Variants in HMGB3 observed in about 807,000 individuals in gnomAD.
The protein encoded by HMGB3 is high mobility group box 3.
HMGB3 carries 1 observed loss-of-function variant against 12.9 expected under a neutral mutation model. That is an observed-to-expected ratio of 0.08 (90% CI 0.03 to 0.37). The LOEUF (loss-of-function observed/expected upper bound fraction) is 0.37, where lower values mean the gene tolerates loss of function less well. HMGB3 is among the 10% of genes least tolerant of loss of function. The pLI is 0.99. For synonymous variants in HMGB3, 61 were observed against 53.9 expected (o/e 1.13, Z -0.57); for missense variants, 74 against 153.3 (o/e 0.48, Z 2.73).
intron 3 of HMGB3, 42 bp from the exon 4 acceptor site, chrX:150,987,086 A>G (rs782627894): frequency 2.8e-6 from 3 of 1,089,194 alleles, no homozygotes; most frequent in South Asian, 2.2e-5. Flanking sequence ...TTTAACTCAA[A>G]TTTTTTGTGG....
rs782232648 is a variant in HMGB3, at chrX:150,987,185, C to T, written c.348C>T (p.Pro116=). Residue 116 remains proline (P), a synonymous_variant, in exon 4 of 5, where the codon CCC becomes CCT. Transcript: ENST00000325307. ...GCCCCAAGATCAAATCCACAAACCC[C>T]GGCATCTCTATTGGAGACGTGGCAA... ...EFRPKIKSTN[P]GISIGDVAKK... is the part of the protein sequence containing the mutation. The T allele has an allele frequency of 3.4e-5, 41 of 1,206,590 alleles. No homozygotes were observed. In the East Asian group the frequency reaches 3.6e-4, roughly 10 times the overall value.
intron 1 of HMGB3, chrX:150,984,640 T>C: frequency 4.3e-6 from 3 of 693,322 alleles, no homozygotes; most frequent in Non-Finnish European, 3.4e-6. Context: ...ATTACGGGTG[T>C]CCCGGTGACC....
intron 1 of HMGB3, among the ~76,000 whole-genome samples, chrX:150,985,286 T>C (rs2048040915): frequency 8.9e-6 from 1 of 112,201 alleles, no homozygotes; most frequent in Non-Finnish European, 1.9e-5. Flanking sequence ...TTCCAAAACA[T>C]AGCAGTTCTG....
At chrX:150,981,475 CTTT>C (rs34415347), upstream of HMGB3, among the ~76,000 whole-genome samples, 3,047 of 86,713 alleles carry the variant, frequency 0.035, 147 homozygotes, top group African/African-American at 0.12. Flanking sequence ...CTATCTCTGC[CTTT>C]TTTTTTTTTT....
intron 1 of HMGB3, 195 bp downstream of exon 1, chrX:150,983,571 G>C: frequency 1.3e-6 from 1 of 751,335 alleles, no homozygotes; most frequent in Non-Finnish European, 1.6e-6. Flanking sequence ...CTAGGCGGCC[G>C]GGAAGGAAGA....
At position 150,990,155 on chromosome X, in the gene HMGB3, GAAAC is replaced by G. The variant is rs1277620414; in HGVS notation, c.*2244_*2247del. ...TGCCAGCCTCGTCAAATATGGAAGA[GAAAC>G]AACCTGCGGTCAAAAGGGAGTGATT... On this transcript the variant is annotated 3_prime_UTR_variant, in exon 5 of 5. Transcript: ENST00000325307. 1 of 112,106 alleles carries G rather than the reference GAAAC, an allele frequency of 8.9e-6. No homozygotes were observed. The highest frequency in any genetic ancestry group is 1.9e-5 in the Non-Finnish European group (1 of 53,294). 9.2% of individuals were successfully genotyped at this position (112,106 alleles called of 1,213,427 possible).
At chrX:150,984,941 G>A (rs1188678000) in intron 1 of HMGB3, among the ~76,000 whole-genome samples, 1 of 112,103 alleles carries the variant, frequency 8.9e-6, no homozygotes, top group Non-Finnish European at 1.9e-5. Context: ...AGATGAGCAC[G>A]ACTAGCCCTT....
chrX:150,989,160 A>T lies in HMGB3; in HGVS notation c.*1246A>T, dbSNP rs2048087260. 9.0e-6 allele frequency: 1 copy of T among 111,353 alleles called. No homozygotes were observed. The allele number at this position is 111,353 out of a possible 1,213,427, so 9.2% of individuals were successfully genotyped here. On this transcript the variant is annotated 3_prime_UTR_variant, in exon 5 of 5. Coordinates refer to ENST00000325307, the MANE Select transcript of HMGB3 (RefSeq NM_005342.4). ...ATGGTGTGTCAAAAATTAAGGCCTT[A>T]TTGTTTTTCTCTTTCACCCCTACCC... is the stretch of plus-strand genomic sequence containing the variant.
intron 3 of HMGB3, among the ~76,000 whole-genome samples, 158 bp from the exon 4 acceptor site, chrX:150,986,970 A>G (rs1372332985): frequency 8.9e-6 from 1 of 112,224 alleles, no homozygotes; most frequent in Non-Finnish European, 1.9e-5. Context: ...TATATTTTAG[A>G]ACCTACAACT....
chrX:150,987,869 AGAGGAGGAGGAAGAAGAG>A lies in HMGB3; in HGVS notation c.570_587del (p.Glu191_Glu196del). 2.5e-6 allele frequency: 3 copies of A among 1,195,594 alleles called. No homozygotes were observed. Among genetic ancestry groups the A allele is most frequent in the Non-Finnish European group, 3.4e-6 (3 of 887,591 alleles). On this transcript the variant is annotated inframe_deletion, in exon 5 of 5. Coordinates refer to ENST00000325307, the MANE Select transcript of HMGB3 (RefSeq NM_005342.4). ...AAAAGGTGGAAGAGGAAGATGAAGA[AGAGGAGGAGGAAGAAGAG>A]GAGGAGGAGGAGGAGGAGGATGAAT...
At chrX:150,983,199 C>A, upstream of HMGB3, 1 of 580,772 alleles carries the variant, frequency 1.7e-6, no homozygotes, top group Non-Finnish European at 2.1e-6. Flanking sequence ...GCCCAATGGG[C>A]GTCCACGCCT....
In HMGB3 at chrX:150,987,872, GGAGGAGGAAGAA is replaced by G. The variant is rs782175891; in HGVS notation, c.570_581del (p.Glu194_Glu197del). ...AGGTGGAAGAGGAAGATGAAGAAGA[GGAGGAGGAAGAA>G]GAGGAGGAGGAGGAGGAGGAGGATG... On this transcript the variant is annotated inframe_deletion, in exon 5 of 5. Transcript: ENST00000325307. The G allele has an allele frequency of 3.4e-6, 4 of 1,191,810 alleles. No homozygotes were observed. The highest frequency in any genetic ancestry group is 3.5e-5 in the South Asian group (2 of 56,421).
chrX:150,984,298 G>C (rs1195956972), intron 1 of HMGB3, among the ~76,000 whole-genome samples: 4 of 92,982 alleles, frequency 4.3e-5, no homozygotes, highest in African/African-American at 1.5e-4. Context: ...GGTCCGGCCC[G>C]GGCCCCCGAG....
rs887512321 is a variant in HMGB3, at chrX:150,990,425, C to T, written c.*2511C>T. 2 of 112,054 alleles carry T rather than the reference C, an allele frequency of 1.8e-5. No individual in the cohort carries two copies. The highest frequency in any genetic ancestry group is 6.5e-5 in the African/African-American group (2 of 30,842). 9.2% of individuals were successfully genotyped at this position (112,054 alleles called of 1,213,427 possible). ...ACGTTTTCACACTGTGGCAAGATTG[C>T]TCTTCTAGTGGAATAATGCCCTAGT... On this transcript the variant is annotated 3_prime_UTR_variant, in exon 5 of 5. Transcript: ENST00000325307.
In HMGB3 at chrX:150,988,877, A is replaced by G. The variant is rs1265670397; in HGVS notation, c.*963A>G. On this transcript the variant is annotated 3_prime_UTR_variant, in exon 5 of 5. Coordinates refer to ENST00000325307, the MANE Select transcript of HMGB3 (RefSeq NM_005342.4). ...TATAAATGTGGTAGCTTCTTTTATT[A>G]CTCAGTGGCCAGCTCACTTAGGGCT... 2 of 111,705 alleles carry G rather than the reference A, an allele frequency of 1.8e-5. No individual in the cohort carries two copies. Among genetic ancestry groups the G allele is most frequent in the Non-Finnish European group, 3.8e-5 (2 of 53,123 alleles). 9.2% of individuals were successfully genotyped at this position (111,705 alleles called of 1,213,427 possible).
Position 150,990,606 on chromosome X carries a change from C to T in HMGB3, c.*2692C>T, listed in dbSNP as rs1228098303. On this transcript the variant is annotated 3_prime_UTR_variant, in exon 5 of 5. Transcript: ENST00000325307. ...TAGTACCTACTCCCTCTAACCACCT[C>T]ACCCCATTCTTGAATGACATTTTAT... 2 of 109,440 alleles carry T rather than the reference C, an allele frequency of 1.8e-5. No homozygotes were observed. The highest frequency in any genetic ancestry group is 3.3e-5 in the African/African-American group (1 of 29,999). The allele number at this position is 109,440 out of a possible 1,213,427, so 9.0% of individuals were successfully genotyped here.
chrX:150,984,253 T>C (rs1231565290), intron 1 of HMGB3, among the ~76,000 whole-genome samples: 1 of 87,051 alleles, frequency 1.1e-5, no homozygotes, highest in East Asian at 4.5e-4. Flanking sequence ...GCCTTTGTTA[T>C]CCCGAGGAGT....
In HMGB3 at chrX:150,986,065, A is replaced by G; in HGVS notation, c.165A>G (p.Lys55=). 8.3e-7 allele frequency: 1 copy of G among 1,205,677 alleles called. No homozygotes were observed. Among genetic ancestry groups the G allele is most frequent in the East Asian group, 3.0e-5 (1 of 33,688 alleles). ...CSERWKTMSG[K]EKSKFDEMAK... ...GTTCTTTGCAGACGATGTCCGGGAA[A>G]GAGAAATCTAAATTTGATGAAATGG... is the stretch of plus-strand genomic sequence containing the variant. The change falls in exon 3 of 5, where the codon AAA becomes AAG. Residue 55 remains lysine (K), a synonymous_variant. Transcript: ENST00000325307.
chrX:150,983,256 G>A, upstream of HMGB3: 1 of 751,196 alleles, frequency 1.3e-6, no homozygotes, highest in Non-Finnish European at 1.6e-6. Context: ...CGAGGAGGCT[G>A]TTTTAAACGG....
Sources: allele counts gnomAD v4.1 joint callset (sites outside exome capture counted in the v4.1 genomes callset), GRCh38; gene constraint gnomAD v4.1.1; transcripts MANE v1.5; gene names NCBI Gene and HGNC (gene_info 2026-07-23, HGNC 2026-07-21).